Variants in RAPGEF4 observed in about 807,000 individuals in gnomAD.
RAPGEF4 encodes the protein Rap guanine nucleotide exchange factor 4.
RAPGEF4 carries 66 observed loss-of-function variants against 147.9 expected under a neutral mutation model. That is an observed-to-expected ratio of 0.45 (90% confidence interval 0.37 to 0.55). The LOEUF is 0.55. Ranked by LOEUF, RAPGEF4 falls within the 20% of genes least tolerant of loss-of-function variation. RAPGEF4 has a pLI of 0.00. For synonymous variants in RAPGEF4, 419 were observed against 442.7 expected (o/e 0.95, Z 0.67); for missense variants, 1,071 against 1,257.3 (o/e 0.85, Z 2.24).
intron 1 of RAPGEF4, among the ~76,000 whole-genome samples, chr2:172,782,240 C>T (rs1684753869): frequency 6.6e-6 from 1 of 152,142 alleles, no homozygotes; most frequent in Admixed American, 6.5e-5. Context: ...TTTGTCAAAC[C>T]TTCCCTGTTA....
intron 4 of RAPGEF4, among the ~76,000 whole-genome samples, chr2:172,910,376 A>G (rs1434875482): frequency 6.6e-6 from 1 of 152,228 alleles, no homozygotes; most frequent in Non-Finnish European, 1.5e-5. Context: ...TTAACTTCCA[A>G]GGTGATCTTC....
intron 4 of RAPGEF4, among the ~76,000 whole-genome samples, chr2:172,823,249 G>A (rs907391607): frequency 1.3e-5 from 2 of 152,184 alleles, no homozygotes; most frequent in African/African-American, 2.4e-5. Flanking sequence ...GCCTTGTTCC[G>A]AGGGACTGAG....
rs1477905410 is a variant in RAPGEF4, at chr2:173,020,674, G to A, written c.2212G>A (p.Gly738Arg). The A allele has an allele frequency of 6.2e-7, 1 of 1,614,014 alleles. No individual in the cohort carries two copies. Among genetic ancestry groups the A allele is most frequent in the Admixed American group, 1.7e-5 (1 of 59,972 alleles). The stretch of plus-strand genomic sequence containing the variant: ...AGTATTTACGACGCTCACCATTAAT[G>A]GACGCCTGTTTGCTTGCCCGCGAGA... ...VSVFTTLTIN[G>R]RLFACPREQF... Residue 738 changes from glycine (G) to arginine (R), a missense_variant, in exon 23 of 31, where the codon GGA (glycine) becomes AGA (arginine). Transcript: ENST00000397081.
chr2:172,957,528 A>G (rs1292072581), intron 6 of RAPGEF4, among the ~76,000 whole-genome samples: 1 of 152,252 alleles, frequency 6.6e-6, no homozygotes, highest in Non-Finnish European at 1.5e-5. Context: ...AAGTACCAAC[A>G]TAGTTCTGAG....
intron 22 of RAPGEF4, 126 bp from the exon 23 acceptor site, chr2:173,020,492 T>C: frequency 1.2e-6 from 1 of 807,224 alleles, no homozygotes; most frequent in East Asian, 2.5e-5. Context: ...TTCAGTACTC[T>C]ATTTTATGCA....
At chr2:172,973,235 C>T (rs1226000103) in intron 10 of RAPGEF4, among the ~76,000 whole-genome samples, 1 of 151,902 alleles carries the variant, frequency 6.6e-6, no homozygotes, top group African/African-American at 2.4e-5. Context: ...ACCTCAGCCT[C>T]CCGAGTAGCT....
At position 172,870,296 on chromosome 2, in the gene RAPGEF4, C is replaced by T. The variant is rs146208870; in HGVS notation, c.445-47506C>T. ...GCATATGATCAGCCAGTCAATCAAT[C>T]TATCTAATTCTATTCTGTTCTATTC... On this transcript the variant is annotated intron_variant, in intron 4 of 30. Coordinates refer to ENST00000397081, the MANE Select transcript of RAPGEF4 (RefSeq NM_007023.4). Among the ~76,000 whole-genome samples the T allele has an allele frequency of 2.3e-3, 353 of 152,276 alleles. 1 individual carries two copies. Among genetic ancestry groups the T allele is most frequent in the African/African-American group, 8.1e-3 (336 of 41,548 alleles).
At chr2:173,036,784 C>A in intron 29 of RAPGEF4, 92 bp downstream of exon 29, 2 of 867,112 alleles carry the variant, frequency 2.3e-6, no homozygotes, top group Non-Finnish European at 3.6e-6. Context: ...ATATATGCTG[C>A]CCTGCTAAAA....
chr2:173,018,342 A>G (rs1245819875), intron 21 of RAPGEF4, among the ~76,000 whole-genome samples: 3 of 152,206 alleles, frequency 2.0e-5, no homozygotes, highest in Admixed American at 6.5e-5. Flanking sequence ...TGCCTACAGT[A>G]TAGCACTTCA....
At chr2:172,934,981 A>ATC (rs1469931061) in intron 6 of RAPGEF4, among the ~76,000 whole-genome samples, 1 of 152,158 alleles carries the variant, frequency 6.6e-6, no homozygotes, top group Non-Finnish European at 1.5e-5. Context: ...GTTCAAGACC[A>ATC]TCCTGGGCAA....
intron 4 of RAPGEF4, among the ~76,000 whole-genome samples, chr2:172,890,983 T>C (rs1697838703): frequency 6.6e-6 from 1 of 151,972 alleles, no homozygotes; most frequent in Admixed American, 6.6e-5. Context: ...TACAAAAAAT[T>C]AGCCAGGTGC....
At chr2:172,790,307 T>A (rs529364306) in intron 1 of RAPGEF4, among the ~76,000 whole-genome samples, 12 of 152,352 alleles carry the variant, frequency 7.9e-5, no homozygotes, top group East Asian at 5.8e-4. Flanking sequence ...TTAATTTTTT[T>A]AAATACCAAG....
intron 29 of RAPGEF4, among the ~76,000 whole-genome samples, chr2:173,041,294 T>C (rs1684729819): frequency 6.6e-6 from 1 of 152,148 alleles, no homozygotes; most frequent in Non-Finnish European, 1.5e-5. Context: ...AATCTACGTG[T>C]TCAAGTCCAC....
At chr2:172,769,772 T>C (rs1459223880) in intron 1 of RAPGEF4, among the ~76,000 whole-genome samples, 1 of 152,182 alleles carries the variant, frequency 6.6e-6, no homozygotes, top group East Asian at 1.9e-4. Context: ...TGACAAATAA[T>C]TTTAAAATAT....
chr2:172,979,108 G>A (rs1691403873), intron 10 of RAPGEF4, among the ~76,000 whole-genome samples: 1 of 152,196 alleles, frequency 6.6e-6, no homozygotes, highest in South Asian at 2.1e-4. Context: ...AGAATTTGGA[G>A]TAAGAGGTGA....
At chr2:172,799,527 ACT>A (rs1491142442) in intron 3 of RAPGEF4, among the ~76,000 whole-genome samples, 1 of 151,408 alleles carries the variant, frequency 6.6e-6, no homozygotes, top group Non-Finnish European at 1.5e-5. Context: ...CCTGGTGGGG[ACT>A]CTCTGGGCTT....
chr2:172,950,853 A>G (rs1688141528), intron 6 of RAPGEF4, among the ~76,000 whole-genome samples: 1 of 152,244 alleles, frequency 6.6e-6, no homozygotes, highest in African/African-American at 2.4e-5. Flanking sequence ...TATTGACTAG[A>G]TCCAATCTTT....
rs763844108 is a variant in RAPGEF4 at position 172,961,073 on chromosome 2, C to G, written c.592-49C>G. The G allele has an allele frequency of 1.0e-5, 14 of 1,362,068 alleles. No individual in the cohort carries two copies. In the South Asian group the frequency reaches 1.2e-4, roughly 11 times the overall value. The allele number at this position is 1,362,068 out of a possible 1,614,324, so 84.4% of individuals were successfully genotyped here. On this transcript the variant is annotated intron_variant, in intron 7 of 30. Transcript: ENST00000397081. ...AGGATTTGTTTGGTTTGTTTTCCTT[C>G]TATAAACACTTCTTTCTCCTCCCCT...
chr2:172,880,459 A>G (rs530286824), intron 4 of RAPGEF4, among the ~76,000 whole-genome samples: 2 of 152,326 alleles, frequency 1.3e-5, no homozygotes, highest in East Asian at 1.9e-4. Flanking sequence ...CCAGAGCTCA[A>G]TACAGTGCCT....
Sources: gnomAD v4.1 joint callset for allele counts (sites outside exome capture counted in the v4.1 genomes callset) on GRCh38, gnomAD v4.1.1 for gene constraint, MANE v1.5 for transcripts, NCBI Gene and HGNC (gene_info 2026-07-23, HGNC 2026-07-21) for gene names.